BIRC6: variants seen among roughly 807,000 people sequenced by gnomAD.
BIRC6 encodes baculoviral IAP repeat containing 6, also known as dual E2 ubiquitin-conjugating enzyme/E3 ubiquitin-protein ligase BIRC6.
A neutral mutation model predicts 503.3 loss-of-function variants in BIRC6; 98 were observed. The ratio of observed to expected loss-of-function variants is 0.19; its 90% CI spans 0.17 to 0.23. The LOEUF (loss-of-function observed/expected upper bound fraction) is 0.23. Ranked by LOEUF, BIRC6 falls within the 10% of genes least tolerant of loss-of-function variation. BIRC6 has a pLI of 1.00. For synonymous variants in BIRC6, 2,240 were observed against 2,078.7 expected (o/e 1.08, Z -2.11); for missense variants, 5,360 against 5,806.0 (o/e 0.92, Z 2.50).
chr2:32,363,793 G>A (rs1275217614), intron 1 of BIRC6, among the ~76,000 whole-genome samples: 1 of 152,168 alleles, frequency 6.6e-6, no homozygotes. Context: ...CATGTTAAAA[G>A]TGCCTAACAG....
chr2:32,510,382 T>G (rs2054275293), intron 52 of BIRC6, 144 bp from the exon 53 acceptor site: 1 of 626,962 alleles, frequency 1.6e-6, no homozygotes, highest in African/African-American at 1.8e-5. Flanking sequence ...CCCAGCCTAG[T>G]TTCATTATTT....
At chr2:32,568,957 T>C (rs1262580926) in intron 65 of BIRC6, among the ~76,000 whole-genome samples, 1 of 151,970 alleles carries the variant, frequency 6.6e-6, no homozygotes, top group East Asian at 1.9e-4. Context: ...AAACCCCACT[T>C]TTTGGAGGAG....
chr2:32,548,067 ATTAT>A lies in BIRC6; in HGVS notation c.12975+56_12975+59del, dbSNP rs1486730252. 3 of 1,431,294 alleles carry A rather than the reference ATTAT, an allele frequency of 2.1e-6. No individual in the cohort carries two copies. In the African/African-American group the frequency reaches 4.4e-5, roughly 21 times the overall value. 88.7% of individuals were successfully genotyped at this position (1,431,294 alleles called of 1,614,324 possible). On this transcript the variant is annotated intron_variant, in intron 64 of 73. Coordinates refer to ENST00000421745, the MANE Select transcript of BIRC6 (RefSeq NM_016252.4). Reference sequence around the variant, plus strand: ...TGATAATGGCTTTTTTTTTGTATTTATTATTTTAAAATATTGATAACTAATCCAA... The same window carrying A: ...TGATAATGGCTTTTTTTTTGTATTTATTTAAAATATTGATAACTAATCCAA...
rs150369819 is a variant in BIRC6 at position 32,477,406 on chromosome 2, A to G, written c.6891A>G (p.Glu2297=). Residue 2297 remains glutamate, a synonymous_variant, in exon 35 of 74, where the codon GAA becomes GAG. Transcript: ENST00000421745. ...TAATTCGTTTACGTCGGACAGCAGA[A>G]TGGTCCCGTTCTAATTTAGACACAG... is the stretch of plus-strand genomic sequence containing the variant. ...KDLIRLRRTA[E]WSRSNLDTEV... The G allele has an allele frequency of 3.0e-4, 483 of 1,613,974 alleles. 5 individuals are homozygous for G. In the East Asian group the frequency reaches 8.7e-3, roughly 29 times the overall value.
At chr2:32,553,571 G>C (rs1349122974) in intron 65 of BIRC6, among the ~76,000 whole-genome samples, 1 of 151,710 alleles carries the variant, frequency 6.6e-6, no homozygotes, top group African/African-American at 2.4e-5. Context: ...TGTATTTTGA[G>C]TAAAGACAGG....
chr2:32,446,357 A>G (rs1257825585), intron 21 of BIRC6, among the ~76,000 whole-genome samples: 1 of 152,214 alleles, frequency 6.6e-6, no homozygotes, highest in Non-Finnish European at 1.5e-5. Context: ...TTGTATTTCA[A>G]AACTTCTAAC....
intron 66 of BIRC6, among the ~76,000 whole-genome samples, chr2:32,592,676 A>G (rs1243082227): frequency 6.6e-6 from 1 of 151,668 alleles, no homozygotes; most frequent in African/African-American, 2.4e-5. Flanking sequence ...GCTCACTGCA[A>G]CCTCCGCCTC....
intron 1 of BIRC6, among the ~76,000 whole-genome samples, chr2:32,358,572 C>G (rs1332035682): frequency 6.6e-6 from 1 of 152,224 alleles, no homozygotes; most frequent in Admixed American, 6.5e-5. Flanking sequence ...ATACAACTGT[C>G]TGCGTTTAGC....
At chr2:32,403,742 A>C (rs2040859303) in intron 8 of BIRC6, among the ~76,000 whole-genome samples, 1 of 152,140 alleles carries the variant, frequency 6.6e-6, no homozygotes, top group Non-Finnish European at 1.5e-5. Flanking sequence ...TGCTTTGTAA[A>C]AGGTTTTGCA....
intron 70 of BIRC6, among the ~76,000 whole-genome samples, chr2:32,602,018 TACC>T (rs911687700): frequency 3.9e-5 from 6 of 152,224 alleles, no homozygotes; most frequent in African/African-American, 1.4e-4. Context: ...TATAAAATAG[TACC>T]ACTTTTATTA....
At chr2:32,434,417 A>G (rs2044458026) in intron 13 of BIRC6, among the ~76,000 whole-genome samples, 1 of 152,164 alleles carries the variant, frequency 6.6e-6, no homozygotes, top group Non-Finnish European at 1.5e-5. Context: ...AAAATTACAT[A>G]TACGCCTGGC....
At chr2:32,575,621 C>T (rs1230391988) in intron 66 of BIRC6, among the ~76,000 whole-genome samples, 1 of 151,962 alleles carries the variant, frequency 6.6e-6, no homozygotes, top group Non-Finnish European at 1.5e-5. Context: ...AAAAATTAGC[C>T]AGGCATGGTG....
intron 65 of BIRC6, among the ~76,000 whole-genome samples, chr2:32,562,823 G>A (rs571447679): frequency 6.6e-6 from 1 of 152,074 alleles, no homozygotes. Flanking sequence ...ACATGTAAGT[G>A]TTTATTCATT....
chr2:32,433,735 A>C lies in BIRC6; in HGVS notation c.3340A>C (p.Ile1114Leu), dbSNP rs371276730. 4.4e-6 allele frequency: 7 copies of C among 1,603,426 alleles called. No individual in the cohort carries two copies. The highest frequency in any genetic ancestry group is 6.0e-6 in the Non-Finnish European group (7 of 1,172,510). Residue 1114 changes from isoleucine to leucine, a missense_variant, in exon 13 of 74, where the codon ATC (isoleucine) becomes CTC (leucine). Physicochemically the swap from Ile to Leu is conservative, Grantham distance 5 (BLOSUM62 2). Around this residue, in one of 16 missense-constraint regions of BIRC6, gnomAD observed 2,299 missense variants for 2,267.2 expected, o/e 1.01. Transcript: ENST00000421745. ...VDFKFVLNSN[I>L]TNIPQIQVTL... ...CTTCAAATTCGTTTTGAACTCAAAC[A>C]TCACCAATATTCCACAGATACAAGT...
intron 10 of BIRC6, among the ~76,000 whole-genome samples, chr2:32,417,980 A>G (rs1558669956): frequency 1.3e-5 from 2 of 152,214 alleles, no homozygotes; most frequent in Non-Finnish European, 1.5e-5. Flanking sequence ...AGGTTTCACT[A>G]TGTTGGCTAG....
chr2:32,615,341 G>C (rs748905432), intron 73 of BIRC6, among the ~76,000 whole-genome samples: 40 of 152,236 alleles, frequency 2.6e-4, no homozygotes, highest in Admixed American at 5.2e-4. Flanking sequence ...TTCACCTGTT[G>C]TCCACAGTGG....
At position 32,433,798 on chromosome 2, in the gene BIRC6, G is replaced by A. The variant is rs763553588; in HGVS notation, c.3403G>A (p.Val1135Ile). The change falls in exon 13 of 74, where the codon GTC (valine) becomes ATC (isoleucine). Residue 1135 changes from valine to isoleucine, a missense_variant. Transcript: ENST00000421745. ...LKNKAPGLGK[V>I]NALNIEVEQN... ...AAATAAAGCTCCAGGATTAGGGAAAGTCAATGGTAAGAATGTATCAAAATT... is the reference window on the plus strand; with the variant it reads ...AAATAAAGCTCCAGGATTAGGGAAAATCAATGGTAAGAATGTATCAAAATT... 1.9e-6 allele frequency: 3 copies of A among 1,551,896 alleles called. No homozygotes were observed. Among genetic ancestry groups the A allele is most frequent in the South Asian group, 2.4e-5 (2 of 83,506 alleles).
chr2:32,495,994 C>T (rs1210765247), intron 45 of BIRC6, among the ~76,000 whole-genome samples: 2 of 151,682 alleles, frequency 1.3e-5, no homozygotes, highest in South Asian at 2.1e-4. Flanking sequence ...CCTGCCATCA[C>T]GCCCTGCTAA....
chr2:32,416,668 C>T (rs2150037787), intron 10 of BIRC6, among the ~76,000 whole-genome samples: 1 of 152,032 alleles, frequency 6.6e-6, no homozygotes, highest in Non-Finnish European at 1.5e-5. Flanking sequence ...CTGATTTATT[C>T]CTGATCTTTG....
Sources: allele counts gnomAD v4.1 joint callset (sites outside exome capture counted in the v4.1 genomes callset), GRCh38; gene constraint gnomAD v4.1.1; regional missense constraint gnomAD v4.1.1; transcripts MANE v1.5; gene names NCBI Gene and HGNC (gene_info 2026-07-23, HGNC 2026-07-21).